Variants in GRIN2B observed in about 807,000 individuals in gnomAD.
GRIN2B encodes glutamate receptor ionotropic, NMDA 2B.
Under a neutral mutation model 114.5 loss-of-function variants are expected in GRIN2B, and 5 were observed. The observed-to-expected ratio is 0.04, with a 90% CI of 0.02 to 0.09. The LOEUF (loss-of-function observed/expected upper bound fraction) is 0.09, where lower values mean the gene tolerates loss of function less well. GRIN2B is among the 10% of genes least tolerant of loss of function. GRIN2B has a pLI of 1.00. For synonymous variants in GRIN2B, 787 were observed against 745.1 expected (o/e 1.06, Z -0.92); for missense variants, 1,108 against 1,943.5 (o/e 0.57, Z 8.08).
intron 4 of GRIN2B, among the ~76,000 whole-genome samples, chr12:13,712,428 A>G (rs1044291786): frequency 2.6e-5 from 4 of 152,002 alleles, no homozygotes; most frequent in East Asian, 1.9e-4. Context: ...GAAAGAAAAA[A>G]GCAAAATTAA....
chr12:13,697,010 A>G (rs771833600), intron 4 of GRIN2B, among the ~76,000 whole-genome samples: 5 of 152,142 alleles, frequency 3.3e-5, no homozygotes, highest in Non-Finnish European at 5.9e-5. Context: ...AGGAGGGGAA[A>G]GGGTGAAAAG....
chr12:13,894,651 G>GA (rs1866325673), intron 2 of GRIN2B, among the ~76,000 whole-genome samples: 1 of 151,716 alleles, frequency 6.6e-6, no homozygotes, highest in South Asian at 2.1e-4. Context: ...TTTATAATCA[G>GA]AAAAAATTAT....
At chr12:13,746,282 C>T (rs924177321) in intron 4 of GRIN2B, among the ~76,000 whole-genome samples, 3 of 152,162 alleles carry the variant, frequency 2.0e-5, no homozygotes, top group Non-Finnish European at 4.4e-5. Flanking sequence ...ATAACTTTCG[C>T]AGCCTGGCTG....
chr12:13,758,120 C>G (rs1467805373), intron 3 of GRIN2B, among the ~76,000 whole-genome samples: 6 of 152,170 alleles, frequency 3.9e-5, no homozygotes, highest in South Asian at 2.1e-4. Flanking sequence ...AAGACCTAAT[C>G]TTCTTGCCCT....
Position 13,703,478 on chromosome 12 carries a change from C to A in GRIN2B, c.1011-27619G>T, listed in dbSNP as rs1950329908. On this transcript the variant is annotated intron_variant, in intron 4 of 13. Coordinates refer to ENST00000609686, the MANE Select transcript of GRIN2B (RefSeq NM_000834.5). ...CACATTATTATTTTAGCAACTTTCC[C>A]AGATGAAAACATCTAGGCATCAATA... Among the ~76,000 whole-genome samples, 8 of 152,108 alleles carry A rather than the reference C, an allele frequency of 5.3e-5. 1 individual carries two copies. Among genetic ancestry groups the A allele is most frequent in the Admixed American group, 5.2e-4 (8 of 15,276 alleles).
At chr12:13,666,376 G>C (rs2136531976) in intron 5 of GRIN2B, among the ~76,000 whole-genome samples, 1 of 152,220 alleles carries the variant, frequency 6.6e-6, no homozygotes, top group South Asian at 2.1e-4. Context: ...AGGGAGGGTG[G>C]AAGGAAAGTA....
In GRIN2B at chr12:13,554,341, A is replaced by G. The variant is rs958433402; in HGVS notation, c.*8442T>C. On this transcript the variant is annotated 3_prime_UTR_variant, in exon 14 of 14. Transcript: ENST00000609686. Reference sequence around the variant, plus strand: ...TAAAATGCCTAAAATTATTTTCTGAATGGAAGATAAAGAAGTTGTTCTGGT... The same window carrying G: ...TAAAATGCCTAAAATTATTTTCTGAGTGGAAGATAAAGAAGTTGTTCTGGT... 9 of 152,212 alleles carry G rather than the reference A, an allele frequency of 5.9e-5. No individual in the cohort carries two copies. Among genetic ancestry groups the G allele is most frequent in the African/African-American group, 1.9e-4 (8 of 41,446 alleles). 9.4% of individuals were successfully genotyped at this position (152,212 alleles called of 1,614,324 possible).
rs184125573 is a variant in GRIN2B, at chr12:13,964,492, A to G, written c.-19+15436T>C. ...GGATTGCAAGGAAAAGCTGTTCTCC[A>G]AAGTCTTCACCTTCTAGAGACAAGT... is the stretch of plus-strand genomic sequence containing the variant. On this transcript the variant is annotated intron_variant, in intron 2 of 13. Transcript: ENST00000609686. 5.5e-3 allele frequency among the ~76,000 whole-genome samples: 837 copies of G among 152,334 alleles called. 13 individuals are homozygous for G. Among genetic ancestry groups the G allele is most frequent in the African/African-American group, 0.019 (779 of 41,570 alleles).
intron 2 of GRIN2B, among the ~76,000 whole-genome samples, chr12:13,952,812 AACAT>A (rs1274216561): frequency 3.9e-5 from 6 of 152,000 alleles, no homozygotes; most frequent in Non-Finnish European, 5.9e-5. Flanking sequence ...TAATGAACAC[AACAT>A]ATTAGACAGT....
chr12:13,680,168 A>C (rs1950114583), intron 4 of GRIN2B, among the ~76,000 whole-genome samples: 1 of 152,166 alleles, frequency 6.6e-6, no homozygotes, highest in Non-Finnish European at 1.5e-5. Flanking sequence ...ATATTAATCA[A>C]TTTAACTTTC....
At chr12:13,896,743 T>C (rs918466537) in intron 2 of GRIN2B, among the ~76,000 whole-genome samples, 1 of 152,132 alleles carries the variant, frequency 6.6e-6, no homozygotes, top group African/African-American at 2.4e-5. Flanking sequence ...ATGAAGAATA[T>C]TATTGTTTTA....
At chr12:13,585,214 C>A (rs1036069825) in intron 10 of GRIN2B, among the ~76,000 whole-genome samples, 1 of 152,124 alleles carries the variant, frequency 6.6e-6, no homozygotes, top group Non-Finnish European at 1.5e-5. Context: ...GGTTCTAATA[C>A]GGTATCAGCA....
intron 2 of GRIN2B, among the ~76,000 whole-genome samples, chr12:13,914,374 C>T (rs1343082511): frequency 1.3e-5 from 2 of 152,116 alleles, no homozygotes; most frequent in East Asian, 1.9e-4. Context: ...AAGGAGATAT[C>T]GTCTCACCCC....
intron 3 of GRIN2B, among the ~76,000 whole-genome samples, chr12:13,857,175 G>A (rs1489700461): frequency 6.6e-6 from 1 of 151,572 alleles, no homozygotes; most frequent in Non-Finnish European, 1.5e-5. Context: ...AAGGAGACAA[G>A]GAGGGAGAAT....
At chr12:13,699,262 C>G (rs926515914) in intron 4 of GRIN2B, among the ~76,000 whole-genome samples, 1 of 152,134 alleles carries the variant, frequency 6.6e-6, no homozygotes, top group Non-Finnish European at 1.5e-5. Flanking sequence ...TCCCCAATAC[C>G]TGCAGTGCAT....
At chr12:13,720,718 T>C (rs559679246) in intron 4 of GRIN2B, among the ~76,000 whole-genome samples, 46 of 152,158 alleles carry the variant, frequency 3.0e-4, no homozygotes, top group African/African-American at 1.1e-3. Flanking sequence ...AGAACTTCTA[T>C]ATAGAAAGAG....
At chr12:13,566,878 C>G in intron 13 of GRIN2B, 147 bp downstream of exon 13, 1 of 689,876 alleles carries the variant, frequency 1.4e-6, no homozygotes, top group Non-Finnish European at 2.6e-6. Flanking sequence ...TCATATCACA[C>G]AAACTCCTAA....
chr12:13,851,476 T>G (rs2136728275), intron 3 of GRIN2B, among the ~76,000 whole-genome samples: 1 of 152,346 alleles, frequency 6.6e-6, no homozygotes, highest in East Asian at 1.9e-4. Context: ...CAACATGACA[T>G]GTTCTACTCA....
At chr12:13,659,978 A>G (rs1949904778) in intron 5 of GRIN2B, among the ~76,000 whole-genome samples, 1 of 152,166 alleles carries the variant, frequency 6.6e-6, no homozygotes, top group African/African-American at 2.4e-5. Context: ...GGCTGTATAC[A>G]GGGCTGTATG....
Sources: allele counts gnomAD v4.1 joint callset (sites outside exome capture counted in the v4.1 genomes callset), GRCh38; gene constraint gnomAD v4.1.1; transcripts MANE v1.5; gene names NCBI Gene and HGNC (gene_info 2026-07-23, HGNC 2026-07-21).